Variants in SORCS1 observed in about 807,000 individuals in gnomAD.
SORCS1 encodes sortilin related VPS10 domain containing receptor 1, also known as VPS10 domain-containing receptor SorCS1.
A neutral mutation model predicts 146.1 loss-of-function variants in SORCS1; 60 were observed. The observed-to-expected ratio is 0.41, with a 90% confidence interval of 0.33 to 0.51. SORCS1 has a LOEUF of 0.51. Among genes scored for constraint, SORCS1 ranks in the 20% least tolerant of loss-of-function variants. The pLI is 0.21. For missense variants in SORCS1, 1,352 were observed against 1,487.6 expected, an observed-to-expected ratio of 0.91 and a Z score of 1.50; for synonymous variants, 637 against 584.0, an observed-to-expected ratio of 1.09 and a Z score of -1.31.
At chr10:106,762,398 T>TTC (rs1859195756) in intron 4 of SORCS1, among the ~76,000 whole-genome samples, 1 of 131,228 alleles carries the variant, frequency 7.6e-6, no homozygotes, top group Admixed American at 7.5e-5. Flanking sequence ...TTTTTTTTTT[T>TTC]TTTTTTTTTT....
At chr10:106,850,233 G>C in intron 2 of SORCS1, among the ~76,000 whole-genome samples, 1 of 152,040 alleles carries the variant, frequency 6.6e-6, no homozygotes, top group East Asian at 1.9e-4. Flanking sequence ...CTAGCAATCA[G>C]CGAGACTCCG....
At chr10:106,950,172 A>G (rs551149111) in intron 2 of SORCS1, among the ~76,000 whole-genome samples, 1 of 152,348 alleles carries the variant, frequency 6.6e-6, no homozygotes, top group South Asian at 2.1e-4. Flanking sequence ...CCCTGAGTGA[A>G]GAACAACACA....
intron 1 of SORCS1, among the ~76,000 whole-genome samples, chr10:107,008,369 C>T (rs1284027416): frequency 6.6e-6 from 1 of 152,126 alleles, no homozygotes; most frequent in Non-Finnish European, 1.5e-5. Context: ...AATATACATT[C>T]TAAATTTTCT....
chr10:106,691,760 T>C (rs1321556879), intron 9 of SORCS1, among the ~76,000 whole-genome samples: 1 of 152,206 alleles, frequency 6.6e-6, no homozygotes, highest in Non-Finnish European at 1.5e-5. Context: ...ATCCTGATTA[T>C]CCCAACACTT....
At chr10:107,014,385 C>T (rs1469050136) in intron 1 of SORCS1, among the ~76,000 whole-genome samples, 1 of 152,028 alleles carries the variant, frequency 6.6e-6, no homozygotes, top group Non-Finnish European at 1.5e-5. Flanking sequence ...AGGGCATCAG[C>T]CCTCTTGTGG....
At chr10:107,081,130 C>A (rs1264076492) in intron 1 of SORCS1, among the ~76,000 whole-genome samples, 1 of 152,180 alleles carries the variant, frequency 6.6e-6, no homozygotes, top group Non-Finnish European at 1.5e-5. Flanking sequence ...AAAGCTGTAT[C>A]TCTAAACACT....
At chr10:106,798,866 T>A (rs111752947) in intron 3 of SORCS1, among the ~76,000 whole-genome samples, 1 of 152,118 alleles carries the variant, frequency 6.6e-6, no homozygotes, top group Non-Finnish European at 1.5e-5. Flanking sequence ...TTTCACTGAA[T>A]TGGAAAAAAC....
intron 2 of SORCS1, among the ~76,000 whole-genome samples, chr10:106,875,281 A>G (rs1950554713): frequency 6.6e-6 from 1 of 152,220 alleles, no homozygotes; most frequent in Admixed American, 6.6e-5. Context: ...AGTTGCCACA[A>G]AAGATATTGT....
At chr10:107,048,219 T>C (rs1959703963) in intron 1 of SORCS1, among the ~76,000 whole-genome samples, 1 of 152,338 alleles carries the variant, frequency 6.6e-6, no homozygotes, top group Middle Eastern at 3.4e-3. Context: ...TGATTAGGTA[T>C]TTTCTGTCTT....
chr10:106,654,751 T>C (rs1850146049), intron 17 of SORCS1, among the ~76,000 whole-genome samples: 1 of 152,240 alleles, frequency 6.6e-6, no homozygotes, highest in Non-Finnish European at 1.5e-5. Flanking sequence ...GGTTAACACC[T>C]AGCCTATGAG....
chr10:106,576,967 AAG>A lies in SORCS1; in HGVS notation c.*451_*452del, dbSNP rs754778290. On this transcript the variant is annotated 3_prime_UTR_variant, in exon 26 of 26. Transcript: ENST00000263054. ...TCTACAAACACGACCGATCAGAAAA[AAG>A]AGAGAGAAGAAGAAAGAGGGAGAGG... 9.3e-4 allele frequency: 239 copies of A among 256,700 alleles called. 2 individuals are homozygous for A. The highest frequency in any genetic ancestry group is 1.5e-3 in the Non-Finnish European group (194 of 130,908). 15.9% of individuals were successfully genotyped at this position (256,700 alleles called of 1,614,324 possible). A position where few individuals can be genotyped will look rare whatever the true frequency, so the allele number is the denominator to read the frequency against.
At chr10:106,953,925 G>A (rs747587391) in intron 2 of SORCS1, among the ~76,000 whole-genome samples, 17 of 152,134 alleles carry the variant, frequency 1.1e-4, no homozygotes, top group African/African-American at 2.7e-4. Flanking sequence ...GGTCATTCGC[G>A]CCACACTTTC....
intron 18 of SORCS1, among the ~76,000 whole-genome samples, chr10:106,645,163 T>C (rs1849332186): frequency 8.5e-6 from 1 of 117,104 alleles, no homozygotes; most frequent in Admixed American, 1.2e-4. Context: ...TGAGAGGGTG[T>C]CTTATTATTT....
At chr10:107,014,348 T>C (rs909682105) in intron 1 of SORCS1, among the ~76,000 whole-genome samples, 1 of 152,056 alleles carries the variant, frequency 6.6e-6, no homozygotes, top group Non-Finnish European at 1.5e-5. Context: ...TCTTCCAGCT[T>C]TTTTTCTGGC....
intron 2 of SORCS1, among the ~76,000 whole-genome samples, chr10:106,918,284 C>T (rs889779921): frequency 6.6e-6 from 1 of 152,138 alleles, no homozygotes; most frequent in African/African-American, 2.4e-5. Flanking sequence ...CCTCAGCCTC[C>T]CGAGTGGCTG....
At chr10:106,820,455 CA>C (rs1200145708) in intron 3 of SORCS1, among the ~76,000 whole-genome samples, 1 of 152,124 alleles carries the variant, frequency 6.6e-6, no homozygotes, top group African/African-American at 2.4e-5. Flanking sequence ...GGGACAAAAC[CA>C]TCAAAAGAAG....
intron 2 of SORCS1, among the ~76,000 whole-genome samples, chr10:106,950,689 T>G (rs1034544875): frequency 6.6e-6 from 1 of 152,014 alleles, no homozygotes; most frequent in African/African-American, 2.4e-5. Flanking sequence ...CTGTTGCTTG[T>G]TTGGGTATAG....
At chr10:106,647,383 A>G (rs1293040662) in intron 18 of SORCS1, among the ~76,000 whole-genome samples, 1 of 37,966 alleles carries the variant, frequency 2.6e-5, no homozygotes, top group East Asian at 4.3e-4. Context: ...ATGCTATTAT[A>G]AATTTTACAC....
At position 106,916,643 on chromosome 10, in the gene SORCS1, A is replaced by C. The variant is rs1952446734; in HGVS notation, c.626+39870T>G. On this transcript the variant is annotated intron_variant, in intron 2 of 25. Transcript: ENST00000263054. Reference sequence around the variant, plus strand: ...ATCAGAAATTGGACCTGGAAAAAAAATTTATAAAATAATAAATTATATAAA... The same window carrying C: ...ATCAGAAATTGGACCTGGAAAAAAACTTTATAAAATAATAAATTATATAAA... Among the ~76,000 whole-genome samples, 3 of 149,518 alleles carry C rather than the reference A, an allele frequency of 2.0e-5. No homozygotes were observed. In the South Asian group the frequency reaches 6.3e-4, roughly 31 times the overall value.
Sources: allele counts gnomAD v4.1 joint callset (sites outside exome capture counted in the v4.1 genomes callset), GRCh38; gene constraint gnomAD v4.1.1; transcripts MANE v1.5; gene names NCBI Gene and HGNC (gene_info 2026-07-23, HGNC 2026-07-21).